PDE4D: variants seen among roughly 807,000 people sequenced by gnomAD.
PDE4D encodes the protein phosphodiesterase 4D.
PDE4D carries 24 observed loss-of-function variants against 87.4 expected under a neutral mutation model. The observed-to-expected ratio is 0.27, with a 90% CI of 0.20 to 0.39. The LOEUF is 0.39. Ranked by LOEUF, PDE4D falls within the 10% of genes least tolerant of loss-of-function variation. PDE4D has a pLI of 1.00. For missense variants in PDE4D, 714 were observed against 1,041.0 expected (o/e 0.69, Z 4.32); for synonymous variants, 384 against 383.2 (o/e 1.00, Z -0.02).
chr5:59,807,118 T>C (rs1171587249), intron 1 of PDE4D, among the ~76,000 whole-genome samples: 1 of 151,984 alleles, frequency 6.6e-6, no homozygotes, highest in East Asian at 1.9e-4. Flanking sequence ...AGATCAATGC[T>C]CCAGGGCATT....
intron 2 of PDE4D, among the ~76,000 whole-genome samples, chr5:60,177,943 T>C (rs918181077): frequency 6.6e-6 from 1 of 152,166 alleles, no homozygotes; most frequent in African/African-American, 2.4e-5. Context: ...TATATGTTCA[T>C]CTTCCTCATG....
At chr5:59,067,820 A>G (rs1044514329) in intron 5 of PDE4D, among the ~76,000 whole-genome samples, 1 of 152,204 alleles carries the variant, frequency 6.6e-6, no homozygotes, top group African/African-American at 2.4e-5. Context: ...TTTTCATTTA[A>G]AAGAAAACAA....
intron 1 of PDE4D, among the ~76,000 whole-genome samples, chr5:59,415,065 A>G (rs258128): frequency 0.25 from 37,793 of 152,048 alleles, 5,019 homozygotes; most frequent in East Asian, 0.39. Context: ...GGCTAATTAA[A>G]TAGGAGATCA....
chr5:60,373,928 T>A (rs2149990313), intron 1 of PDE4D, among the ~76,000 whole-genome samples: 1 of 152,308 alleles, frequency 6.6e-6, no homozygotes, highest in East Asian at 1.9e-4. Flanking sequence ...TTGAGGACCC[T>A]TGTGATTACA....
intron 1 of PDE4D, among the ~76,000 whole-genome samples, chr5:60,432,510 A>T (rs1025305805): frequency 2.0e-5 from 3 of 152,212 alleles, no homozygotes; most frequent in Admixed American, 2.0e-4. Context: ...GGAATTTATC[A>T]ATTTACATAT....
At chr5:59,443,620 T>A (rs1254206616) in intron 1 of PDE4D, among the ~76,000 whole-genome samples, 1 of 152,204 alleles carries the variant, frequency 6.6e-6, no homozygotes, top group African/African-American at 2.4e-5. Flanking sequence ...TAGAATTTAT[T>A]TAACGTGATT....
chr5:59,668,628 G>A (rs763266972), intron 1 of PDE4D, among the ~76,000 whole-genome samples: 6 of 151,518 alleles, frequency 4.0e-5, no homozygotes, highest in South Asian at 2.1e-4. Context: ...GGATCACTTC[G>A]GTCCAGGAGT....
chr5:59,164,773 G>A (rs892495257), intron 5 of PDE4D, among the ~76,000 whole-genome samples: 1 of 152,054 alleles, frequency 6.6e-6, no homozygotes, highest in Non-Finnish European at 1.5e-5. Flanking sequence ...CTTGTTAAAC[G>A]TTGGGTAAGG....
intron 1 of PDE4D, among the ~76,000 whole-genome samples, chr5:59,315,648 CT>C (rs1773567902): frequency 1.3e-5 from 2 of 152,108 alleles, no homozygotes; most frequent in Non-Finnish European, 2.9e-5. Context: ...ACATCTTAAG[CT>C]TGTAGGCAAC....
chr5:59,092,540 G>C (rs1768925758), intron 5 of PDE4D, among the ~76,000 whole-genome samples: 2 of 139,118 alleles, frequency 1.4e-5, no homozygotes, highest in Non-Finnish European at 3.2e-5. Flanking sequence ...CTAAATAATG[G>C]ACATGAAAAA....
chr5:60,332,138 T>C (rs1243598639), intron 1 of PDE4D, among the ~76,000 whole-genome samples: 1 of 152,202 alleles, frequency 6.6e-6, no homozygotes, highest in Non-Finnish European at 1.5e-5. Flanking sequence ...GTGGAAAAAG[T>C]TCTAGAAATT....
chr5:60,182,331 G>A (rs1421057703), intron 2 of PDE4D, among the ~76,000 whole-genome samples: 1 of 152,168 alleles, frequency 6.6e-6, no homozygotes, highest in African/African-American at 2.4e-5. Context: ...ACCAAATTGG[G>A]AAAACATACA....
intron 2 of PDE4D, among the ~76,000 whole-genome samples, chr5:60,169,446 T>C (rs1443931180): frequency 1.3e-5 from 2 of 152,034 alleles, no homozygotes; most frequent in Non-Finnish European, 2.9e-5. Context: ...TCAACTGAAA[T>C]ATTTAATTCA....
chr5:59,084,327 G>C (rs1321747555), intron 5 of PDE4D, among the ~76,000 whole-genome samples: 1 of 151,780 alleles, frequency 6.6e-6, no homozygotes, highest in East Asian at 1.9e-4. Flanking sequence ...ATAATTATTA[G>C]AGATATAAAT....
At chr5:60,467,401 C>A (rs1747445875) in intron 1 of PDE4D, among the ~76,000 whole-genome samples, 1 of 152,124 alleles carries the variant, frequency 6.6e-6, no homozygotes, top group South Asian at 2.1e-4. Flanking sequence ...TTCTAAGAGG[C>A]TACTTGGAGC....
At chr5:59,245,976 G>T (rs968066102) in intron 1 of PDE4D, among the ~76,000 whole-genome samples, 1 of 151,102 alleles carries the variant, frequency 6.6e-6, no homozygotes, top group Non-Finnish European at 1.5e-5. Context: ...TGTGTCTGTG[G>T]ATGTTGGTGT....
intron 1 of PDE4D, among the ~76,000 whole-genome samples, chr5:59,890,923 A>G (rs1371579663): frequency 1.3e-5 from 2 of 152,250 alleles, no homozygotes. Context: ...TGTTCTCTTT[A>G]AAGAATGAAA....
intron 1 of PDE4D, among the ~76,000 whole-genome samples, chr5:59,754,576 C>A (rs1423848493): frequency 6.6e-6 from 1 of 152,064 alleles, no homozygotes; most frequent in Non-Finnish European, 1.5e-5. Flanking sequence ...TTTCACTTTA[C>A]CTGGGCCCTA....
At chr5:60,282,149 G>A (rs868372421) in intron 1 of PDE4D, among the ~76,000 whole-genome samples, 13 of 150,100 alleles carry the variant, frequency 8.7e-5, no homozygotes, top group African/African-American at 3.2e-4. Flanking sequence ...AAAGGATTCT[G>A]TGATACAGAA....
Sources: allele counts gnomAD v4.1 joint callset (sites outside exome capture counted in the v4.1 genomes callset), GRCh38; gene constraint gnomAD v4.1.1; transcripts MANE v1.5; gene names NCBI Gene and HGNC (gene_info 2026-07-23, HGNC 2026-07-21).